The following CNST variants were observed in gnomAD, a reference collection of about 807,000 sequenced individuals.
The protein encoded by CNST is consortin.
In CNST, 39 loss-of-function variants were observed where a neutral mutation model predicts 72.4. That is an observed-to-expected ratio of 0.54 (90% CI 0.42 to 0.70). The LOEUF is 0.70. CNST is among the 30% of genes least tolerant of loss of function. The pLI is 0.00. For missense variants in CNST, 871 were observed against 868.5 expected (o/e 1.00, Z -0.04); for synonymous variants, 332 against 320.1 (o/e 1.04, Z -0.40).
At chr1:246,656,575 T>A (rs1261633150) in intron 9 of CNST, among the ~76,000 whole-genome samples, 6 of 152,236 alleles carry the variant, frequency 3.9e-5, no homozygotes, top group Non-Finnish European at 8.8e-5. Flanking sequence ...TTTTAAGGCT[T>A]TATTTTTTGA....
chr1:246,571,308 C>A (rs568392134), intron 1 of CNST, among the ~76,000 whole-genome samples: 1 of 152,216 alleles, frequency 6.6e-6, no homozygotes, highest in South Asian at 2.1e-4. Context: ...GCCACCACAC[C>A]CAGCTAATTT....
At chr1:246,642,494 T>C (rs1334061565) in intron 8 of CNST, among the ~76,000 whole-genome samples, 1 of 152,032 alleles carries the variant, frequency 6.6e-6, no homozygotes, top group African/African-American at 2.4e-5. Context: ...CAATTTAATT[T>C]CTCCCCTTTT....
rs1436012564 is a variant in CNST, at chr1:246,647,768, C to T, written c.1567C>T (p.Leu523Phe). 5.0e-6 allele frequency: 8 copies of T among 1,614,176 alleles called. No individual in the cohort carries two copies. The Admixed American group carries it at 1.3e-4, about 27-fold the overall frequency. Residue 523 changes from leucine (L) to phenylalanine (F), a missense_variant, in exon 9 of 11, where the codon CTT becomes TTT. Leu to Phe is a conservative substitution (Grantham distance 22, BLOSUM62 0). Transcript: ENST00000366513. The part of the protein sequence containing the change: ...NNQISDLGIL[L>F]PEVCMAPEEK... ...TCAAATATCTGACTTAGGCATACTG[C>T]TTCCAGAGGTGTGTATGGCCCCAGA...
intron 9 of CNST, 131 bp from the exon 10 acceptor site, chr1:246,660,067 TA>T (rs1667003338): frequency 2.9e-6 from 2 of 696,172 alleles, no homozygotes; most frequent in South Asian, 2.3e-5. Context: ...ATTTTGATGT[TA>T]TTTTTTTCTA....
At chr1:246,583,947 T>G (rs763055196) in intron 1 of CNST, among the ~76,000 whole-genome samples, 5 of 152,216 alleles carry the variant, frequency 3.3e-5, no homozygotes, top group African/African-American at 4.8e-5. Flanking sequence ...CTGTACTTTT[T>G]TTTTCTTTTT....
At chr1:246,637,703 C>T (rs6696420) in intron 6 of CNST, among the ~76,000 whole-genome samples, 67,844 of 151,828 alleles carry the variant, frequency 0.45, 16,140 homozygotes, top group East Asian at 0.67. Flanking sequence ...GAACCCATTT[C>T]ATTCCTAAGG....
At chr1:246,616,933 C>T (rs190649496) in intron 2 of CNST, among the ~76,000 whole-genome samples, 46 of 151,670 alleles carry the variant, frequency 3.0e-4, no homozygotes, top group African/African-American at 9.7e-4. Context: ...GAAATTCACA[C>T]GGAAAAATAC....
intron 2 of CNST, among the ~76,000 whole-genome samples, chr1:246,598,439 G>T (rs895901540): frequency 6.6e-6 from 1 of 151,876 alleles, no homozygotes; most frequent in Non-Finnish European, 1.5e-5. Flanking sequence ...AGATGTACCT[G>T]TCCCTGCCCC....
intron 6 of CNST, among the ~76,000 whole-genome samples, chr1:246,635,455 G>C (rs1665143468): frequency 6.6e-6 from 1 of 151,830 alleles, no homozygotes; most frequent in Non-Finnish European, 1.5e-5. Flanking sequence ...AGGTTTGTTG[G>C]GTCCCATCCC....
intron 2 of CNST, among the ~76,000 whole-genome samples, chr1:246,601,574 C>A (rs1662293038): frequency 6.6e-6 from 1 of 152,060 alleles, no homozygotes; most frequent in African/African-American, 2.4e-5. Context: ...GCGGGTGAAT[C>A]ACCTGAGGTC....
intron 2 of CNST, among the ~76,000 whole-genome samples, chr1:246,619,958 C>G (rs575269728): frequency 5.1e-5 from 4 of 78,852 alleles, no homozygotes; most frequent in African/African-American, 1.7e-4. Flanking sequence ...CGGCTTCAGT[C>G]GTGCATACAC....
At chr1:246,664,551 T>G (rs555370480) in intron 10 of CNST, among the ~76,000 whole-genome samples, 1 of 152,026 alleles carries the variant, frequency 6.6e-6, no homozygotes, top group East Asian at 1.9e-4. Context: ...CTCAGCCTCC[T>G]GAGTAGCTGA....
chr1:246,576,851 C>G (rs777908740), intron 1 of CNST, among the ~76,000 whole-genome samples: 1 of 151,888 alleles, frequency 6.6e-6, no homozygotes, highest in South Asian at 2.1e-4. Context: ...GCTACCACCC[C>G]CTACCCTCCA....
chr1:246,617,031 TCA>T (rs1491333181), intron 2 of CNST, among the ~76,000 whole-genome samples: 2 of 152,190 alleles, frequency 1.3e-5, no homozygotes, highest in Non-Finnish European at 2.9e-5. Context: ...AATTGTCAAC[TCA>T]CAGCACATCA....
intron 8 of CNST, among the ~76,000 whole-genome samples, chr1:246,645,182 A>C (rs932443193): frequency 3.9e-5 from 6 of 152,128 alleles, no homozygotes; most frequent in Non-Finnish European, 7.3e-5. Context: ...GATGCTCTGA[A>C]ATCTGCAGGC....
At chr1:246,583,758 G>A (rs1660948919) in intron 1 of CNST, among the ~76,000 whole-genome samples, 1 of 152,142 alleles carries the variant, frequency 6.6e-6, no homozygotes, top group Admixed American at 6.5e-5. Flanking sequence ...AAGAGCACTG[G>A]GTAAGACAAA....
chr1:246,581,888 G>A (rs539419603), intron 1 of CNST, among the ~76,000 whole-genome samples: 70 of 152,202 alleles, frequency 4.6e-4, no homozygotes, highest in African/African-American at 1.6e-3. Flanking sequence ...TTTATGAGAT[G>A]TCTGCTAATA....
At chr1:246,663,958 G>A (rs1158460936) in intron 10 of CNST, among the ~76,000 whole-genome samples, 1 of 152,100 alleles carries the variant, frequency 6.6e-6, no homozygotes, top group Non-Finnish European at 1.5e-5. Context: ...CGTTTTTACA[G>A]GGAGAATATA....
chr1:246,633,448 C>CAAAAAAAAAAA (rs796468053), intron 4 of CNST, among the ~76,000 whole-genome samples: 2 of 108,244 alleles, frequency 1.8e-5, no homozygotes, highest in African/African-American at 3.6e-5. Context: ...GACTGTGTCT[C>CAAAAAAAAAAA]AAAAAAAAAA....
Sources: allele counts gnomAD v4.1 joint callset (sites outside exome capture counted in the v4.1 genomes callset), GRCh38; gene constraint gnomAD v4.1.1; transcripts MANE v1.5; gene names NCBI Gene and HGNC (gene_info 2026-07-23, HGNC 2026-07-21).